The following MSI2 variants were observed in gnomAD, a reference collection of about 807,000 sequenced individuals.
MSI2 encodes RNA-binding protein Musashi homolog 2.
Under a neutral mutation model 45.6 loss-of-function variants are expected in MSI2, and 17 were observed. That is an observed-to-expected ratio of 0.37 (90% CI 0.26 to 0.56). The LOEUF is 0.56. Ranked by LOEUF, MSI2 falls within the 20% of genes least tolerant of loss-of-function variation. The probability of loss-of-function intolerance (pLI) is 0.77; values close to 1 mark genes in which losing one functional copy is unlikely to be tolerated. For synonymous variants in MSI2, 156 were observed against 158.2 expected, an observed-to-expected ratio of 0.99 and a Z score of 0.11; for missense variants, 293 against 444.2, an observed-to-expected ratio of 0.66 and a Z score of 3.06.
chr17:57,632,610 G>A, intron 10 of MSI2: 2 of 1,066,110 alleles, frequency 1.9e-6, no homozygotes, highest in Non-Finnish European at 2.3e-6. Context: ...TCCTGATCAG[G>A]CCCCATCTCA....
Position 57,611,849 on chromosome 17 carries a change from A to C in MSI2, c.538-4121A>C, listed in dbSNP as rs1381471085. Among the ~76,000 whole-genome samples, 2 of 95,128 alleles carry C rather than the reference A, an allele frequency of 2.1e-5. 1 individual carries two copies. The highest frequency in any genetic ancestry group is 6.5e-5 in the African/African-American group (2 of 30,598). 62.4% of individuals were successfully genotyped at this position (95,128 alleles called of 152,430 possible). On this transcript the variant is annotated intron_variant, in intron 8 of 13. Coordinates refer to ENST00000284073, the MANE Select transcript of MSI2 (RefSeq NM_138962.4). ...CCAGTCACCACCTGACCACAGCGCC[A>C]TGAGACCACCAGCAAGAGCCCAGCT...
intron 7 of MSI2, among the ~76,000 whole-genome samples, chr17:57,566,253 A>G (rs1430196403): frequency 6.6e-6 from 1 of 152,212 alleles, no homozygotes; most frequent in African/African-American, 2.4e-5. Context: ...AGAGTAATAC[A>G]TACTTGAGGC....
At chr17:57,497,555 C>T (rs900623417) in intron 6 of MSI2, among the ~76,000 whole-genome samples, 5 of 152,116 alleles carry the variant, frequency 3.3e-5, no homozygotes, top group Non-Finnish European at 5.9e-5. Flanking sequence ...GCTGGAAAAT[C>T]AAAAAGACAG....
chr17:57,701,273 A>C, the MSI2 span, among the ~76,000 whole-genome samples: 1 of 152,154 alleles, frequency 6.6e-6, no homozygotes, highest in South Asian at 2.1e-4. Flanking sequence ...CTGTGGACTG[A>C]ATGTTTGCAT....
intron 7 of MSI2, among the ~76,000 whole-genome samples, chr17:57,562,915 T>G (rs1347940315): frequency 6.6e-5 from 10 of 151,832 alleles, no homozygotes; most frequent in Non-Finnish European, 1.5e-4. Flanking sequence ...CTGACCAACA[T>G]GACGAAACCC....
intron 5 of MSI2, among the ~76,000 whole-genome samples, chr17:57,363,998 C>T (rs1341978064): frequency 6.6e-6 from 1 of 152,174 alleles, no homozygotes; most frequent in Non-Finnish European, 1.5e-5. Flanking sequence ...GGGGCTCCAT[C>T]CCCGTGCTGA....
chr17:57,699,222 C>T, the MSI2 span, among the ~76,000 whole-genome samples: 1 of 123,994 alleles, frequency 8.1e-6, no homozygotes, highest in Non-Finnish European at 1.7e-5. Context: ...AAAGGTCTTA[C>T]CAATGCACTT....
At chr17:57,502,223 T>C (rs188672594) in intron 6 of MSI2, among the ~76,000 whole-genome samples, 10 of 152,270 alleles carry the variant, frequency 6.6e-5, no homozygotes, top group Non-Finnish European at 1.3e-4. Flanking sequence ...GCACCTGGCA[T>C]TTCACACTTG....
intron 7 of MSI2, among the ~76,000 whole-genome samples, chr17:57,563,746 GCA>G (rs61342598): frequency 0.062 from 8,679 of 138,986 alleles, 308 homozygotes; most frequent in African/African-American, 0.089. Context: ...ACACAGGCGC[GCA>G]CACACACACA....
chr17:57,669,161 T>C (rs1228163692), intron 11 of MSI2, among the ~76,000 whole-genome samples: 1 of 152,252 alleles, frequency 6.6e-6, no homozygotes, highest in African/African-American at 2.4e-5. Flanking sequence ...CCTTTCCCAT[T>C]TGACCATCTG....
At chr17:57,648,605 T>C (rs1910880061) in intron 10 of MSI2, among the ~76,000 whole-genome samples, 1 of 152,120 alleles carries the variant, frequency 6.6e-6, no homozygotes, top group African/African-American at 2.4e-5. Flanking sequence ...CCCCACCACA[T>C]TTCCAGCAGT....
At chr17:57,626,588 A>G (rs1009582219) in intron 9 of MSI2, 13 of 152,430 alleles carry the variant, frequency 8.5e-5, no homozygotes, top group African/African-American at 2.7e-4. Flanking sequence ...TGAAACGCCC[A>G]TCCAGTCACA....
rs1467183440 is a variant in MSI2, at chr17:57,507,223, CTCTGTGTGTGTGTGTG to C, written c.406-22451_406-22436del. Reference sequence around the variant, plus strand: ...TTCCCATTGGTTTTTGTCTTTGTCTCTCTGTGTGTGTGTGTGTGTGTGTGTGTGTGTGTGTGTGTGT... The same window carrying C: ...TTCCCATTGGTTTTTGTCTTTGTCTCTGTGTGTGTGTGTGTGTGTGTGTGT... On this transcript the variant is annotated intron_variant, in intron 6 of 13. Transcript: ENST00000284073. 4.1e-3 allele frequency among the ~76,000 whole-genome samples: 446 copies of C among 109,884 alleles called. 25 individuals are homozygous for C. The highest frequency in any genetic ancestry group is 0.015 in the African/African-American group (311 of 20,666). The allele number at this position is 109,884 out of a possible 152,430, so 72.1% of individuals were successfully genotyped here.
chr17:57,422,709 A>G (rs556723572), intron 6 of MSI2, among the ~76,000 whole-genome samples: 1 of 152,346 alleles, frequency 6.6e-6, no homozygotes, highest in South Asian at 2.1e-4. Context: ...AAATTGGCCC[A>G]TCTGAGATGT....
intron 5 of MSI2, among the ~76,000 whole-genome samples, chr17:57,382,097 T>C (rs1245155766): frequency 6.6e-6 from 1 of 152,146 alleles, no homozygotes. Context: ...AAAACAATAG[T>C]GTATGTGACT....
At chr17:57,582,237 C>T (rs2088225375) in intron 7 of MSI2, among the ~76,000 whole-genome samples, 1 of 152,106 alleles carries the variant, frequency 6.6e-6, no homozygotes, top group African/African-American at 2.4e-5. Flanking sequence ...TACCATCTCA[C>T]CTTCTCCTAG....
At chr17:57,490,933 G>A (rs1008243826) in intron 6 of MSI2, among the ~76,000 whole-genome samples, 1 of 152,082 alleles carries the variant, frequency 6.6e-6, no homozygotes, top group African/African-American at 2.4e-5. Context: ...TTAGTACTTG[G>A]AACCTGCCAC....
intron 6 of MSI2, among the ~76,000 whole-genome samples, chr17:57,426,655 C>T (rs1015287255): frequency 5.3e-5 from 8 of 152,150 alleles, no homozygotes; most frequent in African/African-American, 1.4e-4. Context: ...GTGACTGTGC[C>T]GTGACAGTGT....
rs1463773064 is a variant in MSI2 at position 57,683,185 on chromosome 17, C to T, written c.*3668C>T. 3 of 228,858 alleles carry T rather than the reference C, an allele frequency of 1.3e-5. No individual in the cohort carries two copies. The highest frequency in any genetic ancestry group is 1.3e-3 in the Middle Eastern group (1 of 778). 14.2% of individuals were successfully genotyped at this position (228,858 alleles called of 1,614,324 possible). ...TTGCTGTCAATTTACTGTTTCACTG[C>T]ACAGCAATCACAGCCAGTGAATGTT... is the stretch of plus-strand genomic sequence containing the variant. On this transcript the variant is annotated 3_prime_UTR_variant, in exon 14 of 14. Coordinates refer to ENST00000284073, the MANE Select transcript of MSI2 (RefSeq NM_138962.4). This position sits in a 1 kb window ranked among gnomAD's most constrained non-coding sequence, Gnocchi z 5.2.
Sources: allele counts gnomAD v4.1 joint callset (sites outside exome capture counted in the v4.1 genomes callset), GRCh38; gene constraint gnomAD v4.1.1; non-coding constraint Gnocchi (gnomAD v3.1); transcripts MANE v1.5; gene names NCBI Gene and HGNC (gene_info 2026-07-23, HGNC 2026-07-21).